IMMP2L: variants seen among roughly 807,000 people sequenced by gnomAD.
The protein encoded by IMMP2L is mitochondrial inner membrane protease subunit 2.
IMMP2L carries 18 observed loss-of-function variants against 19.3 expected under a neutral mutation model. The ratio of observed to expected loss-of-function variants is 0.93; its 90% CI spans 0.64 to 1.38. The LOEUF (loss-of-function observed/expected upper bound fraction) is 1.38. IMMP2L is among the 40% of genes most tolerant of loss of function. The pLI, the probability that IMMP2L is intolerant of heterozygous loss-of-function variation, is 0.00. For synonymous variants in IMMP2L, 76 were observed against 73.0 expected (o/e 1.04, Z -0.21); for missense variants, 233 against 218.2 (o/e 1.07, Z -0.43).
chr7:111,512,955 A>G (rs1845581310), intron 2 of IMMP2L, among the ~76,000 whole-genome samples: 1 of 152,106 alleles, frequency 6.6e-6, no homozygotes, highest in Non-Finnish European at 1.5e-5. Context: ...ATCAACTCTC[A>G]ATGGATTTTT....
At chr7:111,458,138 G>C (rs1358307606) in intron 3 of IMMP2L, among the ~76,000 whole-genome samples, 1 of 152,158 alleles carries the variant, frequency 6.6e-6, no homozygotes, top group East Asian at 1.9e-4. Flanking sequence ...CAGCACTCTG[G>C]GAGGCTGAGG....
At chr7:111,488,533 G>A (rs1842833839) in intron 2 of IMMP2L, among the ~76,000 whole-genome samples, 1 of 152,084 alleles carries the variant, frequency 6.6e-6, no homozygotes, top group South Asian at 2.1e-4. Context: ...TTTTATGGCT[G>A]AGTAATATAT....
intron 3 of IMMP2L, among the ~76,000 whole-genome samples, chr7:111,323,135 A>G (rs1240929277): frequency 6.6e-6 from 1 of 151,878 alleles, no homozygotes; most frequent in Non-Finnish European, 1.5e-5. Flanking sequence ...GGAAATTAAT[A>G]AAAATAAAAA....
intron 3 of IMMP2L, among the ~76,000 whole-genome samples, chr7:111,306,811 A>T (rs1822929288): frequency 6.6e-6 from 1 of 151,982 alleles, no homozygotes; most frequent in Middle Eastern, 3.4e-3. Flanking sequence ...AAAATAAAAC[A>T]ATTTACAAAA....
chr7:111,365,200 T>C (rs1829656621), intron 3 of IMMP2L, among the ~76,000 whole-genome samples: 1 of 152,078 alleles, frequency 6.6e-6, no homozygotes, highest in Non-Finnish European at 1.5e-5. Context: ...CACAATCCTA[T>C]ATCTCCTTAG....
chr7:111,009,235 T>G (rs568000336), intron 3 of IMMP2L, among the ~76,000 whole-genome samples: 3 of 152,254 alleles, frequency 2.0e-5, no homozygotes, highest in African/African-American at 7.2e-5. Flanking sequence ...CTAACTTCAC[T>G]GTTGCAAACC....
chr7:111,507,469 A>C lies in IMMP2L; in HGVS notation c.135+13844T>G, dbSNP rs960790029. Among the ~76,000 whole-genome samples, 3 of 152,124 alleles carry C rather than the reference A, an allele frequency of 2.0e-5. No individual in the cohort carries two copies. The East Asian group carries it at 5.8e-4, about 29-fold the overall frequency. The stretch of plus-strand genomic sequence containing the variant: ...TCACATTTTTAAAAAATGTTTAAGT[A>C]CCATAAAACACAGATCATCGTAATT... On this transcript the variant is annotated intron_variant, in intron 2 of 5. Transcript: ENST00000405709.
In IMMP2L at chr7:110,877,789, T is replaced by C. The variant is rs1300696417; in HGVS notation, c.408+8804A>G. On this transcript the variant is annotated intron_variant, in intron 5 of 5. Coordinates refer to ENST00000405709, the MANE Select transcript of IMMP2L (RefSeq NM_032549.4). This position sits in a 1 kb window ranked among gnomAD's most constrained non-coding sequence, Gnocchi z 4.0. ...TCCCTATGCCAATCAAGATCTGGCA[T>C]TCAGCACTAGCAAAGTGTGACATTC... 6.6e-6 allele frequency among the ~76,000 whole-genome samples: 1 copy of C among 152,128 alleles called. No individual in the cohort carries two copies. The highest frequency in any genetic ancestry group is 2.4e-5 in the African/African-American group (1 of 41,434).
chr7:111,063,185 A>C (rs1334721981), intron 3 of IMMP2L, among the ~76,000 whole-genome samples: 2 of 152,196 alleles, frequency 1.3e-5, no homozygotes, highest in Non-Finnish European at 2.9e-5. Flanking sequence ...GCCAAACCTC[A>C]ATTCTTGACT....
chr7:111,098,531 C>G (rs997775721), intron 3 of IMMP2L, among the ~76,000 whole-genome samples: 1 of 151,694 alleles, frequency 6.6e-6, no homozygotes, highest in Admixed American at 6.6e-5. Flanking sequence ...AGCCCTTATA[C>G]GTTCAAACCA....
chr7:111,470,680 C>T lies in IMMP2L; in HGVS notation c.239+16558G>A, dbSNP rs1214853917. Among the ~76,000 whole-genome samples the T allele has an allele frequency of 8.3e-5, 11 of 132,126 alleles. No individual in the cohort carries two copies. The Admixed American group carries it at 8.4e-4, about 10-fold the overall frequency. The allele number at this position is 132,126 out of a possible 152,430, so 86.7% of individuals were successfully genotyped here. ...ATAGGTGGGAATTGAACAATGAGAA[C>T]ACATGGACACAGGAAGGGGAACATC... On this transcript the variant is annotated intron_variant, in intron 3 of 5. Transcript: ENST00000405709.
chr7:110,792,160 G>A (rs1197593877), intron 5 of IMMP2L, among the ~76,000 whole-genome samples: 1 of 151,724 alleles, frequency 6.6e-6, no homozygotes, highest in East Asian at 1.9e-4. Context: ...ACAGAGAGAG[G>A]CAGACAGGTT....
chr7:111,058,225 C>T (rs1793691986), intron 3 of IMMP2L, among the ~76,000 whole-genome samples: 1 of 152,056 alleles, frequency 6.6e-6, no homozygotes, highest in Non-Finnish European at 1.5e-5. Context: ...GCTGTCATCC[C>T]ACTCAAAGAC....
intron 5 of IMMP2L, among the ~76,000 whole-genome samples, chr7:110,878,927 A>G (rs898385677): frequency 6.6e-6 from 1 of 152,180 alleles, no homozygotes; most frequent in Admixed American, 6.5e-5. Flanking sequence ...AACATATTTC[A>G]TTTAACAGTT....
chr7:110,704,658 T>C (rs1167168238), intron 5 of IMMP2L, among the ~76,000 whole-genome samples: 1 of 152,228 alleles, frequency 6.6e-6, no homozygotes, highest in African/African-American at 2.4e-5. Context: ...GTGTTCTAAA[T>C]GTCAATTCCT....
At chr7:111,027,094 C>A (rs969703962) in intron 3 of IMMP2L, among the ~76,000 whole-genome samples, 1 of 152,118 alleles carries the variant, frequency 6.6e-6, no homozygotes, top group Non-Finnish European at 1.5e-5. Context: ...TGCTAACTCA[C>A]CACAGATTAA....
chr7:111,147,430 T>C (rs1803599396), intron 3 of IMMP2L, among the ~76,000 whole-genome samples: 2 of 152,128 alleles, frequency 1.3e-5, no homozygotes, highest in South Asian at 2.1e-4. Context: ...AAGTTGTCTG[T>C]AGGCAACAGA....
chr7:110,867,269 T>C (rs1808071731), intron 5 of IMMP2L, among the ~76,000 whole-genome samples: 1 of 151,878 alleles, frequency 6.6e-6, no homozygotes, highest in Non-Finnish European at 1.5e-5. Context: ...GGCACAGAGC[T>C]CTGGGGTCTC....
chr7:111,409,930 G>T (rs1314540305), intron 3 of IMMP2L, among the ~76,000 whole-genome samples: 1 of 151,760 alleles, frequency 6.6e-6, no homozygotes, highest in African/African-American at 2.4e-5. Context: ...CCAAACTGTG[G>T]TATAAGAATG....
Sources: gnomAD v4.1 joint callset for allele counts (sites outside exome capture counted in the v4.1 genomes callset) on GRCh38, gnomAD v4.1.1 for gene constraint, Gnocchi (gnomAD v3.1) non-coding constraint, MANE v1.5 for transcripts, NCBI Gene and HGNC (gene_info 2026-07-23, HGNC 2026-07-21) for gene names.